The following RPTOR variants were observed in gnomAD, a reference collection of about 807,000 sequenced individuals.
The protein encoded by RPTOR is regulatory associated protein of MTOR complex 1.
A neutral mutation model predicts 169.9 loss-of-function variants in RPTOR; 21 were observed. The observed-to-expected ratio is 0.12, with a 90% confidence interval of 0.09 to 0.18. The LOEUF is 0.18. Among genes scored for constraint, RPTOR ranks in the 10% least tolerant of loss-of-function variants. The pLI is 1.00. For synonymous variants in RPTOR, 732 were observed against 753.2 expected (o/e 0.97, Z 0.46); for missense variants, 1,133 against 1,855.9 (o/e 0.61, Z 7.16).
In RPTOR at chr17:80,960,042, C is replaced by A. The variant is rs2069315155; in HGVS notation, c.3478-36C>A. The A allele has an allele frequency of 6.2e-7, 1 of 1,608,758 alleles. No individual in the cohort carries two copies. Among genetic ancestry groups the A allele is most frequent in the African/African-American group, 1.3e-5 (1 of 74,820 alleles). On this transcript the variant is annotated intron_variant, in intron 29 of 33. Transcript: ENST00000306801. The surrounding 1 kb of genome is among the most constrained non-coding windows in gnomAD (Gnocchi z 4.8). ...GACAGCAGGGAGGGTGGCTCGGTGC[C>A]CCGGTCTTCACCGGGCTGCCTGTGT...
chr17:80,648,741 C>A (rs941771122), intron 3 of RPTOR, among the ~76,000 whole-genome samples: 1 of 152,128 alleles, frequency 6.6e-6, no homozygotes, highest in African/African-American at 2.4e-5. Flanking sequence ...TAGATGGATG[C>A]TGATATGGCT....
chr17:80,752,603 G>C (rs55792002), intron 5 of RPTOR, among the ~76,000 whole-genome samples: 37,527 of 152,134 alleles, frequency 0.25, 4,711 homozygotes, highest in South Asian at 0.28. Flanking sequence ...ACCTCTTGTG[G>C]ATTACCGAAA....
At chr17:80,620,278 AT>A (rs2065345074) in intron 1 of RPTOR, among the ~76,000 whole-genome samples, 1 of 152,216 alleles carries the variant, frequency 6.6e-6, no homozygotes, top group African/African-American at 2.4e-5. Context: ...TTGGAGGAAA[AT>A]GTCTTAAAGT....
At chr17:80,714,827 A>G (rs1567871817) in intron 4 of RPTOR, among the ~76,000 whole-genome samples, 1 of 152,262 alleles carries the variant, frequency 6.6e-6, no homozygotes. Context: ...GGATTCAAGC[A>G]ATTCCCCTGC....
intron 11 of RPTOR, among the ~76,000 whole-genome samples, chr17:80,854,431 C>T (rs1406195381): frequency 2.6e-5 from 4 of 152,250 alleles, no homozygotes; most frequent in African/African-American, 9.6e-5. Context: ...CTGGTGCCCA[C>T]GTGCGTGCCG....
rs996119090 is a variant in RPTOR at position 80,936,972 on chromosome 17, C to G, written c.2920-3524C>G. ...ATCACCTCTGTTGCCTGTGGACTCA[C>G]GACGCACACCACTACCTCTTCCGCC... On this transcript the variant is annotated intron_variant, in intron 24 of 33. Coordinates refer to ENST00000306801, the MANE Select transcript of RPTOR (RefSeq NM_020761.3). The surrounding 1 kb of genome is among the most constrained non-coding windows in gnomAD (Gnocchi z 4.1). Among the ~76,000 whole-genome samples, 2 of 152,230 alleles carry G rather than the reference C, an allele frequency of 1.3e-5. No individual in the cohort carries two copies. Among genetic ancestry groups the G allele is most frequent in the Non-Finnish European group, 1.5e-5 (1 of 68,052 alleles).
At chr17:80,642,080 A>T (rs1034465988) in intron 2 of RPTOR, among the ~76,000 whole-genome samples, 2 of 152,344 alleles carry the variant, frequency 1.3e-5, no homozygotes, top group Admixed American at 1.3e-4. Flanking sequence ...AAATAAAAAA[A>T]ATAAAATTTG....
At chr17:80,922,199 G>A (rs532501229) in intron 21 of RPTOR, among the ~76,000 whole-genome samples, 95 of 152,324 alleles carry the variant, frequency 6.2e-4, no homozygotes, top group Non-Finnish European at 1.2e-3. Flanking sequence ...CTGACCCTCC[G>A]TGAATGCCAC....
At chr17:80,682,117 C>CT (rs57796737) in intron 3 of RPTOR, among the ~76,000 whole-genome samples, 30,454 of 127,530 alleles carry the variant, frequency 0.24, 3,869 homozygotes, top group East Asian at 0.31. Flanking sequence ...TCCCCCCCCC[C>CT]ACCCCAAACA....
intron 17 of RPTOR, among the ~76,000 whole-genome samples, chr17:80,889,019 C>G (rs1039309894): frequency 6.6e-6 from 1 of 152,144 alleles, no homozygotes; most frequent in South Asian, 2.1e-4. Flanking sequence ...CAAGCCTTGT[C>G]GTTCGTGATC....
At chr17:80,854,861 C>G (rs1221251650) in intron 11 of RPTOR, among the ~76,000 whole-genome samples, 2 of 152,192 alleles carry the variant, frequency 1.3e-5, no homozygotes, top group South Asian at 2.1e-4. Context: ...CATCTATACT[C>G]TAGCTTGGGC....
chr17:80,643,764 C>T lies in RPTOR; in HGVS notation c.302C>T (p.Thr101Ile). The change falls in exon 3 of 34, where the codon ACC (threonine) becomes ATC (isoleucine). Residue 101 changes from threonine to isoleucine, a missense_variant. By Grantham distance (89) the Thr-to-Ile change is moderately conservative. Around this residue, in one of 9 missense-constraint regions of RPTOR, gnomAD observed 74 missense variants for 168.3 expected, o/e 0.44. Coordinates refer to ENST00000306801, the MANE Select transcript of RPTOR (RefSeq NM_020761.3). ...LSMGPQKALE[T>I]IGANLQKQYE... ...ATGGGTCCTCAGAAAGCTCTGGAAA[C>T]CATCGGTGCAAATTTACAGAAGCAG... is the stretch of plus-strand genomic sequence containing the variant. 1 of 1,613,802 alleles carries T rather than the reference C, an allele frequency of 6.2e-7. No individual in the cohort carries two copies. The highest frequency in any genetic ancestry group is 8.5e-7 in the Non-Finnish European group (1 of 1,179,892).
chr17:80,905,190 T>A (rs986876093), intron 20 of RPTOR, among the ~76,000 whole-genome samples: 3 of 151,892 alleles, frequency 2.0e-5, no homozygotes, highest in Non-Finnish European at 2.9e-5. Context: ...TTTTTTTTTT[T>A]ATGTGTATTA....
chr17:80,760,939 A>T (rs917155761), intron 6 of RPTOR, among the ~76,000 whole-genome samples: 2 of 152,232 alleles, frequency 1.3e-5, no homozygotes, highest in African/African-American at 4.8e-5. Context: ...TGGCAAGCGT[A>T]TTTATGAATC....
In RPTOR at chr17:80,545,057, C is replaced by T; in HGVS notation, c.-573C>T. Reference sequence around the variant, plus strand: ...CCGCGCGGACCTGAGGTTGAGGAACCGGGTGCAGGCGAGCACGATGGGCCG... The same window carrying T: ...CCGCGCGGACCTGAGGTTGAGGAACTGGGTGCAGGCGAGCACGATGGGCCG... On this transcript the variant is annotated 5_prime_UTR_variant, in exon 1 of 34. Transcript: ENST00000306801. The T allele has an allele frequency of 4.3e-6, 1 of 233,166 alleles. No individual in the cohort carries two copies. Among genetic ancestry groups the T allele is most frequent in the Non-Finnish European group, 8.5e-6 (1 of 117,754 alleles). The allele number at this position is 233,166 out of a possible 1,614,324, so 14.4% of individuals were successfully genotyped here.
intron 27 of RPTOR, 27 bp from the exon 28 acceptor site, chr17:80,949,416 C>T: frequency 6.3e-7 from 1 of 1,587,238 alleles, no homozygotes; most frequent in Non-Finnish European, 8.7e-7. Context: ...GGGCCTGGTT[C>T]ACATCCTTTC....
At chr17:80,913,487 C>CTG (rs1567983591) in intron 21 of RPTOR, among the ~76,000 whole-genome samples, 1 of 152,136 alleles carries the variant, frequency 6.6e-6, no homozygotes, top group African/African-American at 2.4e-5. Flanking sequence ...GGGTCTCACT[C>CTG]TATCACCCAG....
At position 80,960,398 on chromosome 17, in the gene RPTOR, C is replaced by G. The variant is rs2069320904; in HGVS notation, c.3605+193C>G. On this transcript the variant is annotated intron_variant, in intron 30 of 33. Coordinates refer to ENST00000306801, the MANE Select transcript of RPTOR (RefSeq NM_020761.3). The surrounding 1 kb of genome is among the most constrained non-coding windows in gnomAD (Gnocchi z 4.8). ...CCAGGCCCGTCCCACTGAGGCCCAT[C>G]CCACAAAGGTCTGCCCCACAGAGGT... Among the ~76,000 whole-genome samples the G allele has an allele frequency of 6.6e-6, 1 of 152,240 alleles. No homozygotes were observed. The highest frequency in any genetic ancestry group is 2.4e-5 in the African/African-American group (1 of 41,474).
intron 2 of RPTOR, among the ~76,000 whole-genome samples, 166 bp downstream of exon 2, chr17:80,625,959 G>A (rs145900071): frequency 6.5e-4 from 99 of 152,344 alleles, no homozygotes; most frequent in African/African-American, 2.2e-3. Context: ...TTTCCGATGC[G>A]CTCACCTGTG....
Sources: gnomAD v4.1 joint callset for allele counts (sites outside exome capture counted in the v4.1 genomes callset) on GRCh38, gnomAD v4.1.1 for gene constraint, gnomAD v4.1.1 regional missense constraint, Gnocchi (gnomAD v3.1) non-coding constraint, MANE v1.5 for transcripts, NCBI Gene and HGNC (gene_info 2026-07-23, HGNC 2026-07-21) for gene names.